The following BCAR1 variants were observed in gnomAD, a reference collection of about 807,000 sequenced individuals.
BCAR1 encodes the protein breast cancer anti-estrogen resistance protein 1.
BCAR1 carries 30 observed loss-of-function variants against 67.6 expected under a neutral mutation model. The ratio of observed to expected loss-of-function variants is 0.44; its 90% CI spans 0.33 to 0.60. BCAR1 has a LOEUF of 0.60. Ranked by LOEUF, BCAR1 falls within the 20% of genes least tolerant of loss-of-function variation. The pLI is 0.02. For synonymous variants in BCAR1, 626 were observed against 556.7 expected (o/e 1.12, Z -1.75); for missense variants, 1,313 against 1,222.3 (o/e 1.07, Z -1.11).
In BCAR1 at chr16:75,262,024, G is replaced by C. The variant is rs545372572; in HGVS notation, c.66+5891C>G. 1.4e-4 allele frequency among the ~76,000 whole-genome samples: 22 copies of C among 152,320 alleles called. No individual in the cohort carries two copies. In the South Asian group the frequency reaches 4.6e-3, roughly 32 times the overall value. On this transcript the variant is annotated intron_variant, in intron 1 of 6. Coordinates refer to the BCAR1 transcript ENST00000393422. ...GTGCTCTTAACATCCCCATGACACA[G>C]AGGAGGAAACTGAGGCTCAGGGAGG...
chr16:75,233,147 G>T (rs1349796698), intron 6 of BCAR1, among the ~76,000 whole-genome samples: 1 of 152,176 alleles, frequency 6.6e-6, no homozygotes, highest in Non-Finnish European at 1.5e-5. Flanking sequence ...CAAGGCAGGT[G>T]GATCGTTTGA....
At chr16:75,251,206 T>A (rs941799666) in intron 1 of BCAR1, among the ~76,000 whole-genome samples, 1 of 151,666 alleles carries the variant, frequency 6.6e-6, no homozygotes, top group East Asian at 2.0e-4. Flanking sequence ...CGCCAGCCAC[T>A]TTCCCGACAC....
intron 2 of BCAR1, among the ~76,000 whole-genome samples, chr16:75,241,224 C>T (rs1408581419): frequency 9.9e-5 from 15 of 152,200 alleles, no homozygotes; most frequent in Admixed American, 5.2e-4. Flanking sequence ...ATATGATGTG[C>T]GCATGTGTGG....
upstream of BCAR1, chr16:75,252,319 A>G: frequency 6.5e-7 from 1 of 1,536,340 alleles, no homozygotes; most frequent in Non-Finnish European, 8.7e-7. Context: ...TCCTAGGTTC[A>G]GCCTAAAACC....
intron 1 of BCAR1, chr16:75,267,784 G>A (rs1349646803): frequency 2.1e-6 from 2 of 935,652 alleles, no homozygotes; most frequent in Non-Finnish European, 3.2e-6. Flanking sequence ...CAAGGGAGGG[G>A]CGCAGATGGA....
At chr16:75,265,950 C>T in intron 1 of BCAR1, 16 of 1,082,586 alleles carry the variant, frequency 1.5e-5, no homozygotes, top group Non-Finnish European at 1.8e-5. Flanking sequence ...CCGGCTCCTC[C>T]GGCTCCTGAG....
chr16:75,266,930 A>G, intron 1 of BCAR1: 1 of 548,144 alleles, frequency 1.8e-6, no homozygotes, highest in Non-Finnish European at 2.8e-6. Flanking sequence ...CCAGCTGCCT[A>G]GGGAATCTCT....
intron 1 of BCAR1, chr16:75,248,300 G>T: frequency 7.1e-7 from 1 of 1,400,248 alleles, no homozygotes; most frequent in East Asian, 2.7e-5. Context: ...ACAGAGCCTC[G>T]CACATAGCAG....
intron 1 of BCAR1, among the ~76,000 whole-genome samples, chr16:75,244,780 C>G (rs1014197090): frequency 6.6e-6 from 1 of 152,202 alleles, no homozygotes; most frequent in East Asian, 1.9e-4. Context: ...AAGGTGAGCA[C>G]AAGGGCAGAG....
At chr16:75,255,855 G>C (rs2077763350), upstream of BCAR1, among the ~76,000 whole-genome samples, 1 of 152,190 alleles carries the variant, frequency 6.6e-6, no homozygotes, top group Admixed American at 6.5e-5. Context: ...GCCGGGCGTG[G>C]TGGCACATGC....
At chr16:75,248,503 C>T (rs913884939) in intron 1 of BCAR1, 8 of 301,326 alleles carry the variant, frequency 2.7e-5, no homozygotes, top group African/African-American at 6.6e-5. Flanking sequence ...CCCACTTGGT[C>T]CTGGCCTCAG....
At chr16:75,237,807 C>T (rs758048836) in intron 2 of BCAR1, among the ~76,000 whole-genome samples, 8 of 152,174 alleles carry the variant, frequency 5.3e-5, no homozygotes, top group Non-Finnish European at 1.0e-4. Flanking sequence ...GTAGCCTCCT[C>T]AGAAGGGTTG....
intron 4 of BCAR1, chr16:75,236,561 T>A: frequency 2.2e-6 from 1 of 445,944 alleles, no homozygotes; most frequent in Non-Finnish European, 3.9e-6. Context: ...TTGTCCCTGA[T>A]GCCCCCACAT....
intron 2 of BCAR1, chr16:75,238,878 T>TCCCAGCCTCCCAAAGGCAGGTGGGGA: frequency 1.0e-6 from 1 of 985,336 alleles, no homozygotes; most frequent in Non-Finnish European, 1.2e-6. Context: ...TCTCCAGGCC[T>TCCCAGCCTCCCAAAGGCAGGTGGGGA]CCCAGCCTCC....
chr16:75,233,803 G>A (rs1417776519), intron 6 of BCAR1, 43 bp downstream of exon 6: 4 of 1,547,118 alleles, frequency 2.6e-6, no homozygotes, highest in Non-Finnish European at 3.5e-6. Context: ...GGCTCAGGGG[G>A]TCAGCGGGCA....
intron 2 of BCAR1, chr16:75,238,861 T>C (rs2077236078): frequency 1.0e-6 from 1 of 985,272 alleles, no homozygotes; most frequent in Non-Finnish European, 1.2e-6. Context: ...AGGCACGGCC[T>C]GAGGCTTCTC....
intron 2 of BCAR1, chr16:75,238,180 A>C: frequency 8.0e-7 from 1 of 1,248,838 alleles, no homozygotes; most frequent in Non-Finnish European, 1.0e-6. Context: ...AGGACCCCTC[A>C]CCAGCACCAG....
chr16:75,261,872 T>G (rs1487074953), intron 1 of BCAR1, among the ~76,000 whole-genome samples: 1 of 152,218 alleles, frequency 6.6e-6, no homozygotes, highest in African/African-American at 2.4e-5. Flanking sequence ...TCTGAGCCAC[T>G]GCACTAGCCA....
intron 2 of BCAR1, chr16:75,238,811 C>T: frequency 1.0e-6 from 1 of 985,432 alleles, no homozygotes; most frequent in Non-Finnish European, 1.2e-6. Flanking sequence ...AACAGCGGGG[C>T]AGGCGGGGCG....
Sources: allele counts gnomAD v4.1 joint callset (sites outside exome capture counted in the v4.1 genomes callset), GRCh38; gene constraint gnomAD v4.1.1; transcripts MANE v1.5; gene names NCBI Gene and HGNC (gene_info 2026-07-23, HGNC 2026-07-21).